The following LRMDA variants were observed in gnomAD, a reference collection of about 807,000 sequenced individuals.
LRMDA encodes the protein leucine rich melanocyte differentiation associated, also known as leucine-rich melanocyte differentiation-associated protein.
Under a neutral mutation model 29.8 loss-of-function variants are expected in LRMDA, and 18 were observed. The ratio of observed to expected loss-of-function variants is 0.60; its 90% CI spans 0.42 to 0.90. The LOEUF is 0.90. LRMDA is among the 40% of genes least tolerant of loss of function. LRMDA has a pLI of 0.00. For missense variants in LRMDA, 273 were observed against 273.9 expected (o/e 1.00, Z 0.02); for synonymous variants, 125 against 109.4 (o/e 1.14, Z -0.89).
chr10:75,642,913 T>C (rs1271162528), intron 2 of LRMDA: 3 of 152,152 alleles, frequency 2.0e-5, no homozygotes, highest in African/African-American at 7.2e-5. Flanking sequence ...ACATGTATTG[T>C]GTGGGTCAGG....
intron 5 of LRMDA, among the ~76,000 whole-genome samples, chr10:76,278,626 G>A (rs1338251764): frequency 6.6e-6 from 1 of 152,174 alleles, no homozygotes; most frequent in Non-Finnish European, 1.5e-5. Context: ...CACTCAGACA[G>A]CATATAGGTA....
At chr10:75,705,213 C>T (rs766369700) in intron 2 of LRMDA, among the ~76,000 whole-genome samples, 1 of 152,188 alleles carries the variant, frequency 6.6e-6, no homozygotes, top group Non-Finnish European at 1.5e-5. Context: ...AAACCCCAGT[C>T]TTCAAAGTAT....
intron 6 of LRMDA, among the ~76,000 whole-genome samples, chr10:76,392,444 ATGGCAC>A (rs1391033528): frequency 3.9e-5 from 6 of 152,158 alleles, no homozygotes; most frequent in Non-Finnish European, 8.8e-5. Context: ...CTTATCTGAA[ATGGCAC>A]TGGAAGTATT....
chr10:75,714,300 G>A (rs930394199), intron 2 of LRMDA, among the ~76,000 whole-genome samples: 3 of 152,114 alleles, frequency 2.0e-5, no homozygotes, highest in African/African-American at 4.8e-5. Flanking sequence ...ATTTGTCCTC[G>A]TGCTCACACC....
At chr10:76,544,307 A>C (rs947893290) in intron 6 of LRMDA, among the ~76,000 whole-genome samples, 22 of 152,322 alleles carry the variant, frequency 1.4e-4, no homozygotes, top group African/African-American at 3.4e-4. Context: ...GAAGCATGTT[A>C]ACTTACCACA....
chr10:76,418,468 T>A (rs1842041355), intron 6 of LRMDA, among the ~76,000 whole-genome samples: 1 of 152,034 alleles, frequency 6.6e-6, no homozygotes, highest in South Asian at 2.1e-4. Flanking sequence ...ATATAAAGAT[T>A]GAAATAATTC....
intron 6 of LRMDA, among the ~76,000 whole-genome samples, chr10:76,367,833 T>C (rs1398389681): frequency 6.6e-6 from 1 of 152,042 alleles, no homozygotes; most frequent in Non-Finnish European, 1.5e-5. Flanking sequence ...AAGCTAAGAG[T>C]GTTGTATTTT....
chr10:76,537,190 C>A (rs1168222901), intron 6 of LRMDA, among the ~76,000 whole-genome samples: 1 of 152,204 alleles, frequency 6.6e-6, no homozygotes, highest in Non-Finnish European at 1.5e-5. Context: ...ATGTTCTAGG[C>A]TTACTGTGTA....
At chr10:75,605,531 G>A (rs1324620481) in intron 2 of LRMDA, among the ~76,000 whole-genome samples, 1 of 152,198 alleles carries the variant, frequency 6.6e-6, no homozygotes, top group Non-Finnish European at 1.5e-5. Context: ...ATATTGAAAG[G>A]CCACTGATGG....
At chr10:76,132,966 CTTTTTTTTTTTTTT>C (rs35997711) in intron 5 of LRMDA, among the ~76,000 whole-genome samples, 16 of 57,372 alleles carry the variant, frequency 2.8e-4, no homozygotes, top group African/African-American at 7.6e-4. Flanking sequence ...CCACGCCCGG[CTTTTTTTTTTTTTT>C]TTTTTTTTTT....
At chr10:76,141,067 T>C (rs1272532841) in intron 5 of LRMDA, among the ~76,000 whole-genome samples, 1 of 152,114 alleles carries the variant, frequency 6.6e-6, no homozygotes, top group Non-Finnish European at 1.5e-5. Context: ...TCTTGTATTT[T>C]GTATGGCTCC....
Position 76,413,306 on chromosome 10 carries a change from C to T in LRMDA, c.601+88821C>T, listed in dbSNP as rs569677124. Among the ~76,000 whole-genome samples, 4 of 152,260 alleles carry T rather than the reference C, an allele frequency of 2.6e-5. No homozygotes were observed. In the East Asian group the frequency reaches 7.7e-4, roughly 29 times the overall value. On this transcript the variant is annotated intron_variant, in intron 6 of 6. Transcript: ENST00000611255. ...TCTGTATTAGTCTGTTCTCACACTGCTAATAAAGACATACCCAAGACCAGG... is the reference window on the plus strand; with the variant it reads ...TCTGTATTAGTCTGTTCTCACACTGTTAATAAAGACATACCCAAGACCAGG...
intron 2 of LRMDA, among the ~76,000 whole-genome samples, chr10:75,800,319 C>CAT (rs1479388605): frequency 2.6e-5 from 4 of 151,952 alleles, no homozygotes; most frequent in East Asian, 1.9e-4. Context: ...TTTTTTGCAG[C>CAT]ATATATATAT....
At chr10:76,105,073 T>G (rs1849458813) in intron 5 of LRMDA, among the ~76,000 whole-genome samples, 1 of 152,166 alleles carries the variant, frequency 6.6e-6, no homozygotes, top group Non-Finnish European at 1.5e-5. Context: ...AACCACTGTA[T>G]TTAATAATGG....
chr10:76,066,755 G>A (rs1848792016), intron 5 of LRMDA, among the ~76,000 whole-genome samples: 1 of 152,210 alleles, frequency 6.6e-6, no homozygotes, highest in Non-Finnish European at 1.5e-5. Context: ...AACTACAGGA[G>A]CCAGGCTGTG....
chr10:75,538,329 A>T (rs1478953706), intron 2 of LRMDA, among the ~76,000 whole-genome samples: 1 of 152,174 alleles, frequency 6.6e-6, no homozygotes, highest in Non-Finnish European at 1.5e-5. Context: ...CTGCAGCAGT[A>T]CTTGAAACTG....
intron 4 of LRMDA, among the ~76,000 whole-genome samples, chr10:76,048,055 A>AT (rs1327978062): frequency 6.6e-6 from 1 of 152,112 alleles, no homozygotes; most frequent in Non-Finnish European, 1.5e-5. Flanking sequence ...CTGTGTTCTC[A>AT]TTGTTGATTG....
At chr10:75,929,913 A>T (rs1425681652) in intron 2 of LRMDA, among the ~76,000 whole-genome samples, 1 of 152,178 alleles carries the variant, frequency 6.6e-6, no homozygotes, top group Non-Finnish European at 1.5e-5. Flanking sequence ...AATGAGGCTG[A>T]TCAGTCACAA....
intron 6 of LRMDA, among the ~76,000 whole-genome samples, chr10:76,505,498 CAAAT>C (rs1842950686): frequency 6.6e-6 from 1 of 151,914 alleles, no homozygotes; most frequent in African/African-American, 2.4e-5. Flanking sequence ...TGAGTTTACT[CAAAT>C]AACTGGTCTT....
Sources: allele counts gnomAD v4.1 joint callset (sites outside exome capture counted in the v4.1 genomes callset), GRCh38; gene constraint gnomAD v4.1.1; transcripts MANE v1.5; gene names NCBI Gene and HGNC (gene_info 2026-07-23, HGNC 2026-07-21).